Variants in ANKRD28 observed in about 807,000 individuals in gnomAD.
The protein encoded by ANKRD28 is serine/threonine-protein phosphatase 6 regulatory ankyrin repeat subunit A.
In ANKRD28, 44 loss-of-function variants were observed where a neutral mutation model predicts 126.5. The ratio of observed to expected loss-of-function variants is 0.35; its 90% CI spans 0.27 to 0.45. ANKRD28 has a LOEUF of 0.45. Among genes scored for constraint, ANKRD28 ranks in the 20% least tolerant of loss-of-function variants. The pLI, the probability that ANKRD28 is intolerant of heterozygous loss-of-function variation, is 1.00. For synonymous variants in ANKRD28, 442 were observed against 468.5 expected, an observed-to-expected ratio of 0.94 and a Z score of 0.73; for missense variants, 1,110 against 1,316.6, an observed-to-expected ratio of 0.84 and a Z score of 2.43.
intron 2 of ANKRD28, among the ~76,000 whole-genome samples, chr3:15,781,038 G>C (rs2059514425): frequency 6.7e-6 from 1 of 149,880 alleles, no homozygotes; most frequent in Non-Finnish European, 1.5e-5. Context: ...GAAAGCACAA[G>C]CAACAAAAAC....
upstream of ANKRD28, among the ~76,000 whole-genome samples, chr3:15,801,435 G>T (rs2060463716): frequency 6.6e-6 from 1 of 152,054 alleles, no homozygotes; most frequent in Non-Finnish European, 1.5e-5. The surrounding 1 kb of genome is among the most constrained non-coding windows in gnomAD (Gnocchi z 4.9). Flanking sequence ...AATACTCAGG[G>T]TATATTAAGT....
Position 15,839,106 on chromosome 3 carries a change from A to C in ANKRD28, c.27+20271T>G, listed in dbSNP as rs747332184. Among the ~76,000 whole-genome samples, 1 of 152,212 alleles carries C rather than the reference A, an allele frequency of 6.6e-6. No individual in the cohort carries two copies. The highest frequency in any genetic ancestry group is 6.5e-5 in the Admixed American group (1 of 15,286). On this transcript the variant is annotated intron_variant, in intron 1 of 27. Coordinates refer to the ANKRD28 transcript ENST00000399451. This position sits in a 1 kb window ranked among gnomAD's most constrained non-coding sequence, Gnocchi z 4.3. ...ATGGTGGCCTGGGGCTGGAGGTGGGACTAGGAGTAACTGCAAAGTAGGTAC... is the reference window on the plus strand; with the variant it reads ...ATGGTGGCCTGGGGCTGGAGGTGGGCCTAGGAGTAACTGCAAAGTAGGTAC...
Position 15,690,016 on chromosome 3 carries a change from T to A in ANKRD28, c.1963+3A>T. ...AATAAATCAAGCATAATATCTGGCA[T>A]ACCTGCTGCATGAATAGGTGTCCTC... On this transcript the variant is annotated splice_donor_region_variant and intron_variant, in intron 18 of 27. Transcript: ENST00000683139. The A allele has an allele frequency of 6.2e-7, 1 of 1,602,138 alleles. No homozygotes were observed.
chr3:15,856,520 C>T (rs1194414869), intron 1 of ANKRD28, among the ~76,000 whole-genome samples: 2 of 152,106 alleles, frequency 1.3e-5, no homozygotes, highest in Non-Finnish European at 2.9e-5. Context: ...GCAATTGTCA[C>T]AAATTTATTC....
At chr3:15,758,617 T>C (rs1386921711) in intron 3 of ANKRD28, among the ~76,000 whole-genome samples, 1 of 152,114 alleles carries the variant, frequency 6.6e-6, no homozygotes, top group Non-Finnish European at 1.5e-5. Context: ...AGACAGCGAT[T>C]TTGCAAGCCA....
rs956106851 is a variant in ANKRD28 at position 15,712,355 on chromosome 3, T to G, written c.1191-133A>C. ...AATGTCTAACACTTCGGAGAGTAATTTGGTTAAAGTTTGATGGTGGGCATA... is the reference window on the plus strand; with the variant it reads ...AATGTCTAACACTTCGGAGAGTAATGTGGTTAAAGTTTGATGGTGGGCATA... On this transcript the variant is annotated intron_variant, in intron 10 of 27. Transcript: ENST00000683139. 4.1e-6 allele frequency: 3 copies of G among 740,572 alleles called. No individual in the cohort carries two copies. The African/African-American group carries it at 5.3e-5, about 13-fold the overall frequency. The allele number at this position is 740,572 out of a possible 1,614,324, so 45.9% of individuals were successfully genotyped here.
chr3:15,755,569 A>G (rs2058109322), intron 3 of ANKRD28, among the ~76,000 whole-genome samples: 1 of 152,242 alleles, frequency 6.6e-6, no homozygotes, highest in Admixed American at 6.5e-5. Flanking sequence ...TCCAGAATAT[A>G]GTTAACTAGT....
chr3:15,803,579 G>C (rs1219765186), intron 1 of ANKRD28, among the ~76,000 whole-genome samples: 1 of 149,854 alleles, frequency 6.7e-6, no homozygotes, highest in Admixed American at 6.7e-5. Context: ...ATCACACCAC[G>C]GCACTCCAGC....
At chr3:15,691,670 T>G (rs2068823294) in intron 17 of ANKRD28, among the ~76,000 whole-genome samples, 1 of 152,224 alleles carries the variant, frequency 6.6e-6, no homozygotes, top group South Asian at 2.1e-4. Flanking sequence ...GAAACTTGAC[T>G]ACTTAAGCTT....
At chr3:15,795,426 T>C (rs748642821) in intron 1 of ANKRD28, 120 bp from the exon 2 acceptor site, 20 of 592,670 alleles carry the variant, frequency 3.4e-5, no homozygotes, top group Non-Finnish European at 5.2e-5. Context: ...CTTTTGACAT[T>C]AGCCAGAAGT....
chr3:15,856,789 T>C (rs903115197), intron 1 of ANKRD28, among the ~76,000 whole-genome samples: 7 of 152,240 alleles, frequency 4.6e-5, no homozygotes, highest in Non-Finnish European at 8.8e-5. Flanking sequence ...GATGCTTAAA[T>C]GCACAAAGAA....
intron 18 of ANKRD28, chr3:15,686,563 T>C: frequency 2.1e-6 from 1 of 480,880 alleles, no homozygotes; most frequent in Non-Finnish European, 3.7e-6. Context: ...CATCTGCCTC[T>C]AAAAGAATGC....
intron 4 of ANKRD28, among the ~76,000 whole-genome samples, chr3:15,738,002 C>G (rs1481310909): frequency 6.6e-6 from 1 of 151,950 alleles, no homozygotes; most frequent in Admixed American, 6.6e-5. Context: ...GGATTTATCT[C>G]CCAGAAGCGC....
At chr3:15,806,850 C>A (rs1444316300) in intron 1 of ANKRD28, among the ~76,000 whole-genome samples, 1 of 152,084 alleles carries the variant, frequency 6.6e-6, no homozygotes, top group African/African-American at 2.4e-5. Context: ...GGCCTTCCAC[C>A]AGTGTCTACT....
rs2061241508 is a variant in ANKRD28 at position 15,833,150 on chromosome 3, G to A, written c.27+26227C>T. 6.6e-6 allele frequency among the ~76,000 whole-genome samples: 1 copy of A among 152,164 alleles called. No individual in the cohort carries two copies. Among genetic ancestry groups the A allele is most frequent in the Non-Finnish European group, 1.5e-5 (1 of 68,026 alleles). On this transcript the variant is annotated intron_variant, in intron 1 of 27. Transcript: ENST00000399451. The surrounding 1 kb of genome is among the most constrained non-coding windows in gnomAD (Gnocchi z 4.4). ...GATGCAAAGTATTGATCCAGGGTGT[G>A]TCTGTGAGGGTGCTGCCAAAGGAGA...
intron 2 of ANKRD28, among the ~76,000 whole-genome samples, chr3:15,786,654 GTC>G (rs1303943726): frequency 6.6e-6 from 1 of 152,030 alleles, no homozygotes; most frequent in Non-Finnish European, 1.5e-5. Context: ...TAAAAAAATA[GTC>G]TGAGGCACTA....
In ANKRD28 at chr3:15,670,335, C is replaced by T; in HGVS notation, c.3187G>A (p.Gly1063Arg). 6.2e-7 allele frequency: 1 copy of T among 1,614,002 alleles called. No individual in the cohort carries two copies. Among genetic ancestry groups the T allele is most frequent in the Non-Finnish European group, 8.5e-7 (1 of 1,179,860 alleles). Residue 1063 changes from glycine to arginine, a missense_variant, in exon 28 of 28, where the codon GGG becomes AGG. Transcript: ENST00000683139. The stretch of plus-strand genomic sequence containing the variant: ...TCAGTGTATAAGTACTCCTGTTCCC[C>T]TCCAATGTTATTGAAACTGCAATAG... Reference protein sequence around the residue: ...SSYCSFNNIGGEQEYLYTDVD... With the variant: ...SSYCSFNNIGREQEYLYTDVD...
intron 2 of ANKRD28, among the ~76,000 whole-genome samples, chr3:15,770,722 C>T (rs1183184689): frequency 6.6e-6 from 1 of 152,094 alleles, no homozygotes; most frequent in African/African-American, 2.4e-5. Flanking sequence ...TTCAGCAGCC[C>T]AAGGAGAAGT....
chr3:15,726,956 A>G (rs551404535), intron 6 of ANKRD28, among the ~76,000 whole-genome samples: 2 of 152,346 alleles, frequency 1.3e-5, no homozygotes, highest in South Asian at 4.1e-4. Flanking sequence ...ATGACAACAC[A>G]TCTGTTTATA....
Sources: gnomAD v4.1 joint callset for allele counts (sites outside exome capture counted in the v4.1 genomes callset) on GRCh38, gnomAD v4.1.1 for gene constraint, Gnocchi (gnomAD v3.1) non-coding constraint, MANE v1.5 for transcripts, NCBI Gene and HGNC (gene_info 2026-07-23, HGNC 2026-07-21) for gene names.